The following TMEM184B variants were observed in gnomAD, a reference collection of about 807,000 sequenced individuals.
The protein encoded by TMEM184B is putative MAPK-activating protein FM08.
Under a neutral mutation model 41.8 loss-of-function variants are expected in TMEM184B, and 17 were observed. The observed-to-expected ratio is 0.41, with a 90% CI of 0.28 to 0.61. The LOEUF (loss-of-function observed/expected upper bound fraction) is 0.61. Among genes scored for constraint, TMEM184B ranks in the 20% least tolerant of loss-of-function variants. TMEM184B has a pLI of 0.34. For synonymous variants in TMEM184B, 240 were observed against 229.5 expected (o/e 1.05, Z -0.41); for missense variants, 393 against 557.8 (o/e 0.70, Z 2.98).
At chr22:38,216,767 A>C (rs1406323530), downstream of TMEM184B, among the ~76,000 whole-genome samples, 2 of 151,524 alleles carry the variant, frequency 1.3e-5, no homozygotes, top group East Asian at 3.9e-4. Flanking sequence ...ATTCTGGCGG[A>C]GCATGGTGGC....
At position 38,220,279 on chromosome 22, in the gene TMEM184B, C is replaced by G; in HGVS notation, c.*1190G>C. On this transcript the variant is annotated 3_prime_UTR_variant, in exon 9 of 9. Coordinates refer to ENST00000361906, the MANE Select transcript of TMEM184B (RefSeq NM_012264.5). ...GAGGCCTGTCCAAGGGCTCTGGGCCCAGCACTGCAGGATCCTGCGAGTGCC... is the reference window on the plus strand; with the variant it reads ...GAGGCCTGTCCAAGGGCTCTGGGCCGAGCACTGCAGGATCCTGCGAGTGCC... 1 of 985,954 alleles carries G rather than the reference C, an allele frequency of 1.0e-6. No homozygotes were observed. Among genetic ancestry groups the G allele is most frequent in the Non-Finnish European group, 1.2e-6 (1 of 830,044 alleles). The allele number at this position is 985,954 out of a possible 1,614,324, so 61.1% of individuals were successfully genotyped here. A position where few individuals can be genotyped will look rare whatever the true frequency, so the allele number is the denominator to read the frequency against.
At chr22:38,268,541 A>G (rs1360806895) in intron 1 of TMEM184B, among the ~76,000 whole-genome samples, 2 of 151,646 alleles carry the variant, frequency 1.3e-5, no homozygotes, top group Non-Finnish European at 2.9e-5. Context: ...GCCGCCTCCC[A>G]CTCTACCTCT....
Position 38,272,921 on chromosome 22 carries a change from T to G in TMEM184B, c.-96A>C. 3.3e-6 allele frequency: 2 copies of G among 602,294 alleles called. No homozygotes were observed. Among genetic ancestry groups the G allele is most frequent in the Non-Finnish European group, 4.2e-6 (2 of 480,392 alleles). The allele number at this position is 602,294 out of a possible 1,614,324, so 37.3% of individuals were successfully genotyped here. A position where few individuals can be genotyped will look rare whatever the true frequency, so the allele number is the denominator to read the frequency against. Reference sequence around the variant, plus strand: ...TGGCGGTGGCGGCGTCTGCGGACGATGCGCGGCAGCCGGACTCTGCGGGCG... The same window carrying G: ...TGGCGGTGGCGGCGTCTGCGGACGAGGCGCGGCAGCCGGACTCTGCGGGCG... On this transcript the variant is annotated 5_prime_UTR_variant, in exon 1 of 9. Coordinates refer to ENST00000361906, the MANE Select transcript of TMEM184B (RefSeq NM_012264.5).
At chr22:38,232,888 A>G (rs2091672064) in intron 3 of TMEM184B, among the ~76,000 whole-genome samples, 1 of 152,162 alleles carries the variant, frequency 6.6e-6, no homozygotes, top group Admixed American at 6.5e-5. Context: ...AGGATCCATC[A>G]ACCCCAGCTG....
chr22:38,225,480 C>T lies in TMEM184B; in HGVS notation c.731G>A (p.Ser244Asn). The change falls in exon 7 of 9, where the codon AGC (serine) becomes AAC (asparagine). Residue 244 changes from serine (S) to asparagine (N), a missense_variant. Physicochemically the swap from Ser to Asn is conservative, Grantham distance 46. Around this residue, in one of 2 missense-constraint regions of TMEM184B, gnomAD observed 271 missense variants for 434.1 expected, o/e 0.62. Transcript: ENST00000361906. This position sits in a 1 kb window ranked among gnomAD's most constrained non-coding sequence, Gnocchi z 4.4. ...FATRELLSPY[S>N]PVLKFFMVKS... is the part of the protein sequence containing the mutation. ...GACCATGAAGAACTTGAGGACGGGG[C>T]TGTAGGGGCTGAGCAGCTCCCGGGT... 6.3e-7 allele frequency: 1 copy of T among 1,590,144 alleles called. No homozygotes were observed. Among genetic ancestry groups the T allele is most frequent in the Non-Finnish European group, 8.5e-7 (1 of 1,171,734 alleles).
chr22:38,237,947 A>G (rs1180672250), intron 3 of TMEM184B, among the ~76,000 whole-genome samples: 1 of 151,970 alleles, frequency 6.6e-6, no homozygotes, highest in Admixed American at 6.6e-5. Flanking sequence ...AAGTACAGGC[A>G]TGCGCCACAC....
Position 38,224,998 on chromosome 22 carries a change from G to C in TMEM184B, c.788-19C>G, listed in dbSNP as rs1262909115. The C allele has an allele frequency of 6.5e-7, 1 of 1,533,354 alleles. No individual in the cohort carries two copies. Among genetic ancestry groups the C allele is most frequent in the Non-Finnish European group, 8.8e-7 (1 of 1,139,448 alleles). 95.0% of individuals were successfully genotyped at this position (1,533,354 alleles called of 1,614,324 possible). A position where few individuals can be genotyped will look rare whatever the true frequency, so the allele number is the denominator to read the frequency against. On this transcript the variant is annotated intron_variant, in intron 7 of 8. Transcript: ENST00000361906. Reference sequence around the variant, plus strand: ...AGCATGCCTGGATGGGGAGGCACGGGTGTCTGGACCCAGAATGATTCCTTT... The same window carrying C: ...AGCATGCCTGGATGGGGAGGCACGGCTGTCTGGACCCAGAATGATTCCTTT...
chr22:38,221,965 G>A (rs2091273240), intron 8 of TMEM184B: 6 of 559,574 alleles, frequency 1.1e-5, no homozygotes, highest in South Asian at 8.4e-5. Flanking sequence ...TGGGAGCTGG[G>A]CTGGCTGCAG....
rs1569009014 is a variant in TMEM184B at position 38,221,620 on chromosome 22, G to A, written c.1073C>T (p.Ser358Leu). ...CTGCGTGTACTGCTGGTAGGCAGGT[G>A]AGAAGTTGTGGATGGCGTCCTGCAC... ...DIVQDAIHNF[S>L]PAYQQYTQQS... The change falls in exon 9 of 9, where the codon TCA (serine) becomes TTA (leucine). Residue 358 changes from serine (S) to leucine (L), a missense_variant. Ser to Leu is a moderately radical substitution (Grantham distance 145). This residue lies in a region of TMEM184B where 271 missense variants were observed against 434.1 expected (regional missense o/e 0.62). Coordinates refer to ENST00000361906, the MANE Select transcript of TMEM184B (RefSeq NM_012264.5). 2 of 1,614,176 alleles carry A rather than the reference G, an allele frequency of 1.2e-6. No homozygotes were observed. Among genetic ancestry groups the A allele is most frequent in the East Asian group, 2.2e-5 (1 of 44,868 alleles).
rs2091457881 is a variant in TMEM184B at position 38,226,908 on chromosome 22, G to A, written c.526-38C>T. ...AAAGGAGGTTGAGTGTGGAGGAGGA[G>A]CACAGAAGGCATGAAGCAAGCCCTG... On this transcript the variant is annotated intron_variant, in intron 5 of 8. Transcript: ENST00000361906. This position sits in a 1 kb window ranked among gnomAD's most constrained non-coding sequence, Gnocchi z 4.6. The A allele has an allele frequency of 6.5e-7, 1 of 1,546,074 alleles. No individual in the cohort carries two copies. Among genetic ancestry groups the A allele is most frequent in the Non-Finnish European group, 8.7e-7 (1 of 1,143,804 alleles).
At chr22:38,246,556 C>T (rs970210380) in intron 2 of TMEM184B, 58 of 277,898 alleles carry the variant, frequency 2.1e-4, no homozygotes, top group African/African-American at 2.2e-4. Context: ...AGCCTTGCCC[C>T]GTCCCTTAAC....
At chr22:38,237,803 T>TTTA (rs1569028939) in intron 3 of TMEM184B, among the ~76,000 whole-genome samples, 2 of 137,340 alleles carry the variant, frequency 1.5e-5, no homozygotes, top group East Asian at 4.1e-4. Context: ...CCTACTGTCT[T>TTTA]TTTTTTTTTT....
intron 3 of TMEM184B, among the ~76,000 whole-genome samples, chr22:38,244,849 G>A (rs1420378207): frequency 6.6e-6 from 1 of 152,174 alleles, no homozygotes; most frequent in South Asian, 2.1e-4. Flanking sequence ...GATGAGGAAT[G>A]CCTGGGACCT....
At chr22:38,240,088 G>C (rs1477263417) in intron 3 of TMEM184B, among the ~76,000 whole-genome samples, 2 of 151,944 alleles carry the variant, frequency 1.3e-5, no homozygotes, top group Non-Finnish European at 2.9e-5. Flanking sequence ...CTGAGTTGCT[G>C]GTATTTTAAG....
In TMEM184B at chr22:38,238,376, C is replaced by T. The variant is rs188542056; in HGVS notation, c.359-7042G>A. ...GAGTAGCTGGGACTACAGGCATGCACGACCACGCCCAGCTAATTTTTGTAT... is the reference window on the plus strand; with the variant it reads ...GAGTAGCTGGGACTACAGGCATGCATGACCACGCCCAGCTAATTTTTGTAT... On this transcript the variant is annotated intron_variant, in intron 3 of 8. Transcript: ENST00000361906. Among the ~76,000 whole-genome samples, 80 of 152,042 alleles carry T rather than the reference C, an allele frequency of 5.3e-4. No homozygotes were observed. In the East Asian group the frequency reaches 7.5e-3, roughly 14 times the overall value.
At position 38,221,386 on chromosome 22, in the gene TMEM184B, T is replaced by C. The variant is rs2091254468; in HGVS notation, c.*83A>G. On this transcript the variant is annotated 3_prime_UTR_variant, in exon 9 of 9. Transcript: ENST00000361906. ...CGGCGTGAGCACTGTGCCAGCTGCC[T>C]CCTGGCCTGGTGGTGAGGCTGGAGG... The C allele has an allele frequency of 1.3e-6, 2 of 1,513,146 alleles. No homozygotes were observed. Among genetic ancestry groups the C allele is most frequent in the Non-Finnish European group, 1.8e-6 (2 of 1,136,788 alleles). The allele number at this position is 1,513,146 out of a possible 1,614,324, so 93.7% of individuals were successfully genotyped here. A position where few individuals can be genotyped will look rare whatever the true frequency, so the allele number is the denominator to read the frequency against.
At position 38,225,533 on chromosome 22, in the gene TMEM184B, G is replaced by C; in HGVS notation, c.678C>G (p.Leu226=). 6.2e-7 allele frequency: 1 copy of C among 1,605,538 alleles called. No individual in the cohort carries two copies. Among genetic ancestry groups the C allele is most frequent in the South Asian group, 1.1e-5 (1 of 90,136 alleles). ...CGAAGTAGAAGAGGAAGAGGGCGTAGAGGGCCAGGCTGACGGAGATGTTGT... is the reference window on the plus strand; with the variant it reads ...CGAAGTAGAAGAGGAAGAGGGCGTACAGGGCCAGGCTGACGGAGATGTTGT... ...IIYNISVSLA[L]YALFLFYFAT... is the part of the protein sequence containing the mutation. The change falls in exon 7 of 9, where the codon CTC becomes CTG. Residue 226 remains leucine, a synonymous_variant. Transcript: ENST00000361906. The surrounding 1 kb of genome is among the most constrained non-coding windows in gnomAD (Gnocchi z 4.4).
chr22:38,245,892 C>A lies in TMEM184B; in HGVS notation c.358+43G>T, dbSNP rs577515972. On this transcript the variant is annotated intron_variant, in intron 3 of 8. Transcript: ENST00000361906. ...ATGTGGGGACAGGGGCTCCCAGCCC[C>A]CCAGCCCCCCGCCAGCCCTCCCCAC... 409 of 1,157,612 alleles carry A rather than the reference C, an allele frequency of 3.5e-4. 2 individuals carry two copies. The African/African-American group carries it at 5.1e-3, about 14-fold the overall frequency. 71.7% of individuals were successfully genotyped at this position (1,157,612 alleles called of 1,614,324 possible). A position where few individuals can be genotyped will look rare whatever the true frequency, so the allele number is the denominator to read the frequency against.
intron 3 of TMEM184B, 32 bp downstream of exon 3, chr22:38,245,894 CAGCCCCCCG>C: frequency 8.3e-7 from 1 of 1,207,388 alleles, no homozygotes; most frequent in Non-Finnish European, 1.2e-6. Context: ...CCCAGCCCCC[CAGCCCCCCG>C]CCAGCCCTCC....
Sources: gnomAD v4.1 joint callset for allele counts (sites outside exome capture counted in the v4.1 genomes callset) on GRCh38, gnomAD v4.1.1 for gene constraint, gnomAD v4.1.1 regional missense constraint, Gnocchi (gnomAD v3.1) non-coding constraint, MANE v1.5 for transcripts, NCBI Gene and HGNC (gene_info 2026-07-23, HGNC 2026-07-21) for gene names.